The following TRIM36 variants were observed in gnomAD, a reference collection of about 807,000 sequenced individuals.
TRIM36 encodes the protein tripartite motif containing 36.
A neutral mutation model predicts 72.4 loss-of-function variants in TRIM36; 42 were observed. The ratio of observed to expected loss-of-function variants is 0.58; its 90% CI spans 0.45 to 0.75. The LOEUF is 0.75. Ranked by LOEUF, TRIM36 falls within the 30% of genes least tolerant of loss-of-function variation. The pLI, the probability that TRIM36 is intolerant of heterozygous loss-of-function variation, is 0.00. For missense variants in TRIM36, 913 were observed against 857.1 expected (o/e 1.07, Z -0.81); for synonymous variants, 315 against 282.8 (o/e 1.11, Z -1.14).
At chr5:115,141,640 T>G (rs1479309277) in intron 4 of TRIM36, among the ~76,000 whole-genome samples, 1 of 152,182 alleles carries the variant, frequency 6.6e-6, no homozygotes, top group African/African-American at 2.4e-5. Context: ...CTTCTGAATA[T>G]AAAAACAGTA....
At chr5:115,177,869 A>C (rs1459097735) in intron 1 of TRIM36, 3 of 1,614,058 alleles carry the variant, frequency 1.9e-6, no homozygotes, top group Non-Finnish European at 2.5e-6. Context: ...CCCATTGCTG[A>C]AGCCTAGTGA....
intron 1 of TRIM36, among the ~76,000 whole-genome samples, chr5:115,178,753 G>A (rs545011260): frequency 6.6e-6 from 1 of 152,264 alleles, no homozygotes; most frequent in African/African-American, 2.4e-5. Flanking sequence ...CTTCACTTTC[G>A]AAATGTTAAT....
At chr5:115,163,827 G>A in intron 1 of TRIM36, 75 bp from the exon 2 acceptor site, 1 of 1,060,290 alleles carries the variant, frequency 9.4e-7, no homozygotes, top group Non-Finnish European at 1.4e-6. Context: ...TCCTGAATAA[G>A]TACATGTGTT....
In TRIM36 at chr5:115,168,754, C is replaced by T. The variant is rs540547020; in HGVS notation, c.27+854G>A. Among the ~76,000 whole-genome samples, 4 of 152,342 alleles carry T rather than the reference C, an allele frequency of 2.6e-5. No individual in the cohort carries two copies. The East Asian group carries it at 7.7e-4, about 29-fold the overall frequency. On this transcript the variant is annotated intron_variant, in intron 1 of 9. Transcript: ENST00000513154. ...AGAATACAGAATATTCACATCCTAT[C>T]TCATTTCACAAAGGGTTTGGCACCT...
rs1753647881 is a variant in TRIM36 at position 115,147,358 on chromosome 5, A to G, written c.299T>C (p.Val100Ala). 5 of 1,613,318 alleles carry G rather than the reference A, an allele frequency of 3.1e-6. No individual in the cohort carries two copies. In the East Asian group the frequency reaches 1.1e-4, roughly 36 times the overall value. Residue 100 changes from valine to alanine, a missense_variant, in exon 3 of 10, where the codon GTT (valine) becomes GCT (alanine). By Grantham distance (64) the Val-to-Ala change is moderately conservative (BLOSUM62 0). Coordinates refer to ENST00000513154, the MANE Select transcript of TRIM36 (RefSeq NM_001300759.2). ...KRNSLTPRTTVFPCPGCEHDV... is the reference protein window; with the variant it reads ...KRNSLTPRTTAFPCPGCEHDV... ...ATGCTCACAGCCAGGGCAAGGGAAA[A>G]CAGTTGTCCTCGGGGTCAATGAATT...
intron 1 of TRIM36, among the ~76,000 whole-genome samples, chr5:115,175,103 T>C (rs1755275533): frequency 6.6e-6 from 1 of 151,836 alleles, no homozygotes; most frequent in Non-Finnish European, 1.5e-5. Context: ...GAATTTCAGA[T>C]ACATGATAAT....
chr5:115,176,838 G>C (rs892661884), intron 1 of TRIM36, among the ~76,000 whole-genome samples: 1 of 152,208 alleles, frequency 6.6e-6, no homozygotes, highest in Non-Finnish European at 1.5e-5. Flanking sequence ...ACAGCTTTCA[G>C]AAATGGTAAA....
At chr5:115,180,285 C>A, upstream of TRIM36, 1 of 404,498 alleles carries the variant, frequency 2.5e-6, no homozygotes, top group Non-Finnish European at 4.4e-6. Context: ...GCTGCGCGAT[C>A]TAACGGAACA....
chr5:115,133,983 T>C lies in TRIM36; in HGVS notation c.1375A>G (p.Thr459Ala). The change falls in exon 8 of 10, where the codon ACA becomes GCA. Residue 459 changes from threonine to alanine, a missense_variant. Thr to Ala is a moderately conservative substitution (Grantham distance 58, BLOSUM62 0). Coordinates refer to ENST00000513154, the MANE Select transcript of TRIM36 (RefSeq NM_001300759.2). ...TCCAAGTCTTGAATTATTTTACTTGTTCCACACACTTCTATCTCATTCCAT... is the reference window on the plus strand; with the variant it reads ...TCCAAGTCTTGAATTATTTTACTTGCTCCACACACTTCTATCTCATTCCAT... ...MSWNEIEVCG[T>A]SKIIQDLENS... 6.2e-7 allele frequency: 1 copy of C among 1,613,962 alleles called. No homozygotes were observed. Among genetic ancestry groups the C allele is most frequent in the Non-Finnish European group, 8.5e-7 (1 of 1,179,932 alleles).
intron 1 of TRIM36, among the ~76,000 whole-genome samples, chr5:115,166,304 C>T (rs1044262663): frequency 2.0e-5 from 3 of 152,276 alleles, no homozygotes; most frequent in Non-Finnish European, 2.9e-5. Flanking sequence ...CCATAAAAAC[C>T]GCAAACTCAG....
chr5:115,169,957 T>C, upstream of TRIM36: 2 of 1,213,868 alleles, frequency 1.6e-6, no homozygotes, highest in East Asian at 3.8e-5. Flanking sequence ...CCGCGGGGCG[T>C]GGACAGGGCG....
At chr5:115,170,024 T>G, upstream of TRIM36, 1 of 1,029,658 alleles carries the variant, frequency 9.7e-7, no homozygotes, top group Non-Finnish European at 1.2e-6. Context: ...CGGGGCCGCC[T>G]GGGGCTGGTA....
intron 2 of TRIM36, chr5:115,148,488 T>C: frequency 2.5e-6 from 1 of 397,978 alleles, no homozygotes; most frequent in Non-Finnish European, 3.3e-6. Context: ...CTCGGCTCAC[T>C]GCAACCTCTG....
chr5:115,134,546 A>AC (rs112878753), intron 7 of TRIM36, among the ~76,000 whole-genome samples: 2 of 149,694 alleles, frequency 1.3e-5, no homozygotes, highest in Non-Finnish European at 3.0e-5. Context: ...CTCTCAATGA[A>AC]TTTTTTTTTT....
chr5:115,129,936 T>G (rs1752584032), intron 9 of TRIM36, among the ~76,000 whole-genome samples: 1 of 152,226 alleles, frequency 6.6e-6, no homozygotes. Context: ...TAATTTTCTA[T>G]CAAGTGGACA....
chr5:115,160,441 A>ATGCTGTGAG (rs1754423418), intron 2 of TRIM36, among the ~76,000 whole-genome samples: 2 of 152,232 alleles, frequency 1.3e-5, no homozygotes, highest in African/African-American at 2.4e-5. Context: ...CTCACAGCAT[A>ATGCTGTGAG]TCTCAATTCA....
At chr5:115,135,805 TAGTA>T (rs1444370775) in intron 7 of TRIM36, among the ~76,000 whole-genome samples, 1 of 152,178 alleles carries the variant, frequency 6.6e-6, no homozygotes, top group African/African-American at 2.4e-5. Flanking sequence ...AAGACGGTCA[TAGTA>T]AGTAAGTATC....
At chr5:115,133,769 G>T in intron 8 of TRIM36, 91 bp downstream of exon 8, 1 of 1,292,976 alleles carries the variant, frequency 7.7e-7, no homozygotes, top group Non-Finnish European at 1.0e-6. Flanking sequence ...TGGTTTCAGT[G>T]CAGGTCTACA....
intron 2 of TRIM36, among the ~76,000 whole-genome samples, chr5:115,161,342 G>A (rs1754472382): frequency 6.6e-6 from 1 of 152,262 alleles, no homozygotes; most frequent in African/African-American, 2.4e-5. Context: ...CTTCAGTGCT[G>A]GAGATATGGC....
Sources: allele counts gnomAD v4.1 joint callset (sites outside exome capture counted in the v4.1 genomes callset), GRCh38; gene constraint gnomAD v4.1.1; transcripts MANE v1.5; gene names NCBI Gene and HGNC (gene_info 2026-07-23, HGNC 2026-07-21).